Variants in FBXW2 observed in about 807,000 individuals in gnomAD.
The protein encoded by FBXW2 is F-box/WD repeat-containing protein 2.
Under a neutral mutation model 46.0 loss-of-function variants are expected in FBXW2, and 12 were observed. The ratio of observed to expected loss-of-function variants is 0.26; its 90% CI spans 0.17 to 0.42. The LOEUF (loss-of-function observed/expected upper bound fraction) is 0.42. FBXW2 is among the 10% of genes least tolerant of loss of function. FBXW2 has a pLI of 1.00. For synonymous variants in FBXW2, 203 were observed against 209.6 expected (o/e 0.97, Z 0.27); for missense variants, 360 against 537.0 (o/e 0.67, Z 3.26).
chr9:120,787,836 G>A lies in FBXW2; in HGVS notation c.423C>T (p.Thr141=), dbSNP rs2044756175. 1.2e-6 allele frequency: 2 copies of A among 1,614,156 alleles called. No homozygotes were observed. Among genetic ancestry groups the A allele is most frequent in the East Asian group, 2.2e-5 (1 of 44,886 alleles). The change falls in exon 3 of 8, where the codon ACC becomes ACT. Residue 141 remains threonine (T), a synonymous_variant. Coordinates refer to ENST00000608872, the MANE Select transcript of FBXW2 (RefSeq NM_012164.4). The part of the protein sequence containing the change: ...KQLEDHEAFE[T]SSLIGHSARV... ...TGGCACTGTGTCCAATTAATGACGA[G>A]GTTTCAAAGGCTTCATGGTCCTCCA...
rs1366447486 is a variant in FBXW2 at position 120,758,535 on chromosome 9, G to A, written c.*6024C>T. 1.3e-5 allele frequency: 2 copies of A among 152,184 alleles called. No homozygotes were observed. Among genetic ancestry groups the A allele is most frequent in the African/African-American group, 2.4e-5 (1 of 41,372 alleles). 9.4% of individuals were successfully genotyped at this position (152,184 alleles called of 1,614,324 possible). A position where few individuals can be genotyped will look rare whatever the true frequency, so the allele number is the denominator to read the frequency against. Reference sequence around the variant, plus strand: ...TTGAACAGTGCACACAAGTGGTGAAGGCAGAAGGCAGCAGTCGGGATTTGA... The same window carrying A: ...TTGAACAGTGCACACAAGTGGTGAAAGCAGAAGGCAGCAGTCGGGATTTGA... On this transcript the variant is annotated 3_prime_UTR_variant, in exon 8 of 8. Transcript: ENST00000608872.
At chr9:120,790,064 C>T (rs763173761) in intron 2 of FBXW2, among the ~76,000 whole-genome samples, 26 of 152,192 alleles carry the variant, frequency 1.7e-4, no homozygotes, top group Non-Finnish European at 3.7e-4. Context: ...CTTATCTATA[C>T]AACATTTCTT....
chr9:120,777,994 T>C (rs2044533801), intron 4 of FBXW2, among the ~76,000 whole-genome samples: 1 of 151,980 alleles, frequency 6.6e-6, no homozygotes, highest in Admixed American at 6.6e-5. Flanking sequence ...AAGTAGGATT[T>C]ACTCAGTTCA....
At chr9:120,792,935 C>G in intron 2 of FBXW2, 1 of 1,532,048 alleles carries the variant, frequency 6.5e-7, no homozygotes, top group Non-Finnish European at 8.7e-7. Context: ...GCGCTTTGTA[C>G]TTCATAAACC....
At chr9:120,785,180 T>C (rs894995608) in intron 3 of FBXW2, among the ~76,000 whole-genome samples, 5 of 151,966 alleles carry the variant, frequency 3.3e-5, no homozygotes, top group Non-Finnish European at 7.4e-5. Context: ...AGCTGTTTTT[T>C]TATTTTTTTG....
At chr9:120,785,893 C>T (rs979201929) in intron 3 of FBXW2, among the ~76,000 whole-genome samples, 1 of 151,640 alleles carries the variant, frequency 6.6e-6, no homozygotes, top group Admixed American at 6.6e-5. Context: ...TGTGGTGGCG[C>T]ACACCTGTAA....
In FBXW2 at chr9:120,761,095, C is replaced by G. The variant is rs779428337; in HGVS notation, c.*3464G>C. 2 of 152,242 alleles carry G rather than the reference C, an allele frequency of 1.3e-5. No homozygotes were observed. The highest frequency in any genetic ancestry group is 2.4e-5 in the African/African-American group (1 of 41,464). 9.4% of individuals were successfully genotyped at this position (152,242 alleles called of 1,614,324 possible). ...ACTTCTTCCAAGTCCAGTCCTTCCACTGGAGGGGCTTTCTTCCTATTTCTC... is the reference window on the plus strand; with the variant it reads ...ACTTCTTCCAAGTCCAGTCCTTCCAGTGGAGGGGCTTTCTTCCTATTTCTC... On this transcript the variant is annotated 3_prime_UTR_variant, in exon 8 of 8. Transcript: ENST00000608872.
intron 4 of FBXW2, 55 bp from the exon 5 acceptor site, chr9:120,776,281 TAA>T: frequency 6.4e-7 from 1 of 1,573,246 alleles, no homozygotes; most frequent in Admixed American, 1.8e-5. Context: ...GGGTCTTTTA[TAA>T]TAGAGTTCAA....
intron 6 of FBXW2, 104 bp from the exon 7 acceptor site, chr9:120,771,621 TA>T (rs1410807442): frequency 1.0e-6 from 1 of 983,000 alleles, no homozygotes; most frequent in Non-Finnish European, 1.5e-6. Context: ...AAGTGAAGTA[TA>T]CTGGAAAGAC....
At chr9:120,781,675 CATACACACACACACAT>C (rs1369108217) in intron 3 of FBXW2, among the ~76,000 whole-genome samples, 3 of 146,226 alleles carry the variant, frequency 2.1e-5, no homozygotes, top group Non-Finnish European at 4.5e-5. Context: ...CACACACACA[CATACACACACACACAT>C]ATATACATAC....
chr9:120,763,676 CT>C lies in FBXW2; in HGVS notation c.*882del, dbSNP rs374489270. ...GGATCAGACAAAAATACATGATCAACTTTTACACATTTCAGTAGGTGAAGGA... is the reference window on the plus strand; with the variant it reads ...GGATCAGACAAAAATACATGATCAACTTTACACATTTCAGTAGGTGAAGGA... On this transcript the variant is annotated 3_prime_UTR_variant, in exon 8 of 8. Coordinates refer to ENST00000608872, the MANE Select transcript of FBXW2 (RefSeq NM_012164.4). 6 of 152,272 alleles carry C rather than the reference CT, an allele frequency of 3.9e-5. No individual in the cohort carries two copies. The highest frequency in any genetic ancestry group is 1.4e-4 in the African/African-American group (6 of 41,554). 9.4% of individuals were successfully genotyped at this position (152,272 alleles called of 1,614,324 possible). A position where few individuals can be genotyped will look rare whatever the true frequency, so the allele number is the denominator to read the frequency against.
intron 2 of FBXW2, 93 bp from the exon 3 acceptor site, chr9:120,788,371 A>T: frequency 8.1e-7 from 1 of 1,231,446 alleles, no homozygotes; most frequent in South Asian, 1.5e-5. Flanking sequence ...TAGTGTAAAA[A>T]ATCTGCCATT....
chr9:120,778,445 C>T lies in FBXW2; in HGVS notation c.591G>A (p.Gln197=). Residue 197 remains glutamine, a synonymous_variant, in exon 4 of 8, where the codon CAG becomes CAA. Transcript: ENST00000608872. The stretch of plus-strand genomic sequence containing the variant: ...TGTCAAAGGAGCCTGTCACAAGCTT[C>T]TGTTCATCAAACTTCACCGCTGCAC... ...HTCAAVKFDE[Q]KLVTGSFDNT... 6.2e-7 allele frequency: 1 copy of T among 1,614,134 alleles called. No individual in the cohort carries two copies. Among genetic ancestry groups the T allele is most frequent in the Non-Finnish European group, 8.5e-7 (1 of 1,180,018 alleles).
intron 3 of FBXW2, among the ~76,000 whole-genome samples, chr9:120,780,960 G>A (rs1315031528): frequency 6.6e-6 from 1 of 151,980 alleles, no homozygotes; most frequent in South Asian, 2.1e-4. Flanking sequence ...TGGCATGATT[G>A]GTTCTTCAAC....
chr9:120,777,810 T>G (rs544229461), intron 4 of FBXW2, among the ~76,000 whole-genome samples: 89 of 151,180 alleles, frequency 5.9e-4, no homozygotes, highest in African/African-American at 1.6e-3. Flanking sequence ...TATACATTTA[T>G]TAGGAAACAT....
chr9:120,765,038 G>C (rs1217886063), intron 7 of FBXW2, among the ~76,000 whole-genome samples, 191 bp from the exon 8 acceptor site: 2 of 151,800 alleles, frequency 1.3e-5, no homozygotes, highest in African/African-American at 4.8e-5. Context: ...AGCGGGAGAG[G>C]TGCGTTCAGT....
chr9:120,789,002 C>T (rs181175876), intron 2 of FBXW2, among the ~76,000 whole-genome samples: 6 of 152,090 alleles, frequency 3.9e-5, no homozygotes, highest in African/African-American at 1.4e-4. Flanking sequence ...GAGCTAGTGA[C>T]AACTCTTAAC....
Position 120,786,252 on chromosome 9 carries a change from G to A in FBXW2, c.490+1517C>T, listed in dbSNP as rs183312647. Among the ~76,000 whole-genome samples, 889 of 152,240 alleles carry A rather than the reference G, an allele frequency of 5.8e-3. 5 individuals carry two copies. The highest frequency in any genetic ancestry group is 9.0e-3 in the Non-Finnish European group (614 of 68,018). On this transcript the variant is annotated intron_variant, in intron 3 of 7. Transcript: ENST00000608872. ...AGGTATTGAGGGACAGACTTGGTGGGAGGTGACTGGATCATGGGGGTGGCC... is the reference window on the plus strand; with the variant it reads ...AGGTATTGAGGGACAGACTTGGTGGAAGGTGACTGGATCATGGGGGTGGCC...
rs1306959293 is a variant in FBXW2, at chr9:120,776,160, T to C, written c.752A>G (p.Lys251Arg). The C allele has an allele frequency of 1.9e-6, 3 of 1,614,056 alleles. No individual in the cohort carries two copies. Among genetic ancestry groups the C allele is most frequent in the Middle Eastern group, 1.6e-4 (1 of 6,084 alleles). The change falls in exon 5 of 8, where the codon AAA (lysine) becomes AGA (arginine). Residue 251 changes from lysine (K) to arginine (R), a missense_variant. Lys to Arg is a conservative substitution (Grantham distance 26). Coordinates refer to ENST00000608872, the MANE Select transcript of FBXW2 (RefSeq NM_012164.4). ...LVSGSADFTV[K>R]VWALSAGTCL... ...TGTCCCAGCAGATAAAGCCCATACT[T>C]TCACAGTGAAGTCTGCAGAGCCGCT...
Sources: allele counts gnomAD v4.1 joint callset (sites outside exome capture counted in the v4.1 genomes callset), GRCh38; gene constraint gnomAD v4.1.1; transcripts MANE v1.5; gene names NCBI Gene and HGNC (gene_info 2026-07-23, HGNC 2026-07-21).